The following CLDN16 variants were observed in gnomAD, a reference collection of about 807,000 sequenced individuals.
CLDN16 encodes the protein claudin 16.
Under a neutral mutation model 24.6 loss-of-function variants are expected in CLDN16, and 13 were observed. That is an observed-to-expected ratio of 0.53 (90% CI 0.34 to 0.84). The LOEUF (loss-of-function observed/expected upper bound fraction) is 0.84. Among genes scored for constraint, CLDN16 ranks in the 40% least tolerant of loss-of-function variants. The pLI, the probability that CLDN16 is intolerant of heterozygous loss-of-function variation, is 0.01. For synonymous variants in CLDN16, 116 were observed against 106.7 expected (o/e 1.09, Z -0.54); for missense variants, 298 against 292.7 (o/e 1.02, Z -0.13).
chr3:190,373,854 AAAG>A (rs1718193087), intron 2 of CLDN16, among the ~76,000 whole-genome samples: 1 of 151,740 alleles, frequency 6.6e-6, no homozygotes, highest in South Asian at 2.1e-4. Context: ...AAAAAAAAAA[AAAG>A]AAAACAGATC....
chr3:190,344,904 G>A (rs920171781), intron 1 of CLDN16, among the ~76,000 whole-genome samples: 3 of 152,036 alleles, frequency 2.0e-5, no homozygotes, highest in Admixed American at 6.6e-5. Flanking sequence ...CACACAGATC[G>A]ATTCAGAGGA....
At chr3:190,291,268 A>T in the CLDN16 span, among the ~76,000 whole-genome samples, 1 of 152,208 alleles carries the variant, frequency 6.6e-6, no homozygotes, top group South Asian at 2.1e-4. Flanking sequence ...GTCTGTTCTC[A>T]TACTACTATA....
At chr3:190,349,665 A>C (rs75381723) in intron 1 of CLDN16, among the ~76,000 whole-genome samples, 4,613 of 152,256 alleles carry the variant, frequency 0.03, 113 homozygotes, top group East Asian at 0.084. Flanking sequence ...TGTGTTATCC[A>C]TTGACATGAG....
upstream of CLDN16, among the ~76,000 whole-genome samples, chr3:190,387,279 A>G (rs976582196): frequency 6.6e-6 from 1 of 152,212 alleles, no homozygotes; most frequent in Non-Finnish European, 1.5e-5. Flanking sequence ...CTATTCAGAT[A>G]CAGATAAAAT....
At chr3:190,323,461 A>G (rs915624355) in intron 1 of CLDN16, among the ~76,000 whole-genome samples, 2 of 151,892 alleles carry the variant, frequency 1.3e-5, no homozygotes, top group African/African-American at 4.8e-5. Context: ...GTTTCCCTCT[A>G]TGTTTCTCCA....
the CLDN16 span, among the ~76,000 whole-genome samples, chr3:190,302,456 C>T: frequency 1.8e-4 from 28 of 152,080 alleles, no homozygotes; most frequent in African/African-American, 6.8e-4. Flanking sequence ...AGAAAATATA[C>T]TGCGAATGTT....
chr3:190,373,318 G>A (rs1718180688), intron 2 of CLDN16, among the ~76,000 whole-genome samples: 1 of 151,714 alleles, frequency 6.6e-6, no homozygotes, highest in Admixed American at 6.6e-5. Flanking sequence ...GGAGTCACTG[G>A]GCCTATTAGC....
chr3:190,307,977 T>C, the CLDN16 span: 1 of 300,926 alleles, frequency 3.3e-6, no homozygotes, highest in African/African-American at 2.1e-5. Flanking sequence ...CATGTATATA[T>C]ACATATCTAT....
At chr3:190,306,605 C>G in the CLDN16 span, 1 of 152,736 alleles carries the variant, frequency 6.5e-6, no homozygotes, top group East Asian at 1.9e-4. Context: ...CAGCCAAATG[C>G]CTTGCTCAAA....
chr3:190,306,982 T>G, the CLDN16 span: 1 of 152,642 alleles, frequency 6.6e-6, no homozygotes, highest in Non-Finnish European at 1.5e-5. Context: ...GGTACGTGTG[T>G]AGGTTTTGTT....
intron 3 of CLDN16, among the ~76,000 whole-genome samples, chr3:190,378,465 T>C (rs1265051142): frequency 6.6e-6 from 1 of 152,072 alleles, no homozygotes; most frequent in Non-Finnish European, 1.5e-5. Flanking sequence ...TCACTCATGA[T>C]TGAAACTACT....
chr3:190,359,380 G>T (rs917571386), intron 1 of CLDN16, among the ~76,000 whole-genome samples: 4 of 151,966 alleles, frequency 2.6e-5, no homozygotes, highest in African/African-American at 2.4e-5. Flanking sequence ...ACATATGTTG[G>T]AGTTCTAGCT....
intron 1 of CLDN16, among the ~76,000 whole-genome samples, chr3:190,389,380 A>G (rs143609687): frequency 6.6e-6 from 1 of 152,242 alleles, no homozygotes; most frequent in East Asian, 1.9e-4. Context: ...CAAATGCTAT[A>G]ATGTCACCTC....
Position 190,408,418 on chromosome 3 carries a change from G to C in CLDN16, c.487G>C (p.Gly163Arg). 2 of 1,614,016 alleles carry C rather than the reference G, an allele frequency of 1.2e-6. No individual in the cohort carries two copies. Among genetic ancestry groups the C allele is most frequent in the Non-Finnish European group, 1.7e-6 (2 of 1,180,010 alleles). ...NIFLGIQYKF[G>R]WSCWLGMAGS... The stretch of plus-strand genomic sequence containing the variant: ...ATTTCTTGGTATCCAATATAAATTT[G>C]GTTGGTCCTGTTGGCTCGGAATGGC... Residue 163 changes from glycine to arginine, a missense_variant, in exon 4 of 5, where the codon GGT becomes CGT. Coordinates refer to ENST00000264734, the MANE Select transcript of CLDN16 (RefSeq NM_006580.4).
intron 1 of CLDN16, among the ~76,000 whole-genome samples, chr3:190,400,526 C>T (rs532733614): frequency 1.3e-5 from 2 of 152,250 alleles, no homozygotes; most frequent in African/African-American, 2.4e-5. Context: ...CCACCGTGCC[C>T]GACCGAGATC....
chr3:190,344,504 A>T (rs1392403465), intron 1 of CLDN16, among the ~76,000 whole-genome samples: 2 of 151,856 alleles, frequency 1.3e-5, no homozygotes, highest in Non-Finnish European at 2.9e-5. Flanking sequence ...ATTCATAATT[A>T]TACATAGTAC....
the CLDN16 span, chr3:190,310,325 CA>C: frequency 8.6e-7 from 1 of 1,162,928 alleles, no homozygotes; most frequent in Admixed American, 1.7e-5. Context: ...CCTGTTAAAC[CA>C]AAACATATTT....
chr3:190,293,811 C>G, the CLDN16 span, among the ~76,000 whole-genome samples: 1 of 152,262 alleles, frequency 6.6e-6, no homozygotes. Flanking sequence ...ATTAGAATCT[C>G]AGGTTTTTGT....
chr3:190,408,243 T>C lies in CLDN16; in HGVS notation c.383-71T>C, dbSNP rs150014044. On this transcript the variant is annotated intron_variant, in intron 3 of 4. Coordinates refer to ENST00000264734, the MANE Select transcript of CLDN16 (RefSeq NM_006580.4). ...GAATCACGCCAGCCATTTTGTGTAGTAAGCAGGTATTTTTGGATTTAAATT... is the reference window on the plus strand; with the variant it reads ...GAATCACGCCAGCCATTTTGTGTAGCAAGCAGGTATTTTTGGATTTAAATT... The C allele has an allele frequency of 3.5e-4, 496 of 1,425,950 alleles. 3 individuals are homozygous for C. The African/African-American group carries it at 6.5e-3, about 19-fold the overall frequency. The allele number at this position is 1,425,950 out of a possible 1,614,324, so 88.3% of individuals were successfully genotyped here.
Sources: gnomAD v4.1 joint callset for allele counts (sites outside exome capture counted in the v4.1 genomes callset) on GRCh38, gnomAD v4.1.1 for gene constraint, MANE v1.5 for transcripts, NCBI Gene and HGNC (gene_info 2026-07-23, HGNC 2026-07-21) for gene names.